The following SKAP2 variants were observed in gnomAD, a reference collection of about 807,000 sequenced individuals.
SKAP2 encodes src kinase-associated phosphoprotein 2.
A neutral mutation model predicts 54.9 loss-of-function variants in SKAP2; 28 were observed. The observed-to-expected ratio is 0.51, with a 90% CI of 0.38 to 0.70. The LOEUF (loss-of-function observed/expected upper bound fraction) is 0.70. Ranked by LOEUF, SKAP2 falls within the 30% of genes least tolerant of loss-of-function variation. The pLI is 0.00. For synonymous variants in SKAP2, 137 were observed against 134.3 expected (o/e 1.02, Z -0.14); for missense variants, 356 against 424.1 (o/e 0.84, Z 1.41).
At chr7:26,824,162 A>G (rs887836380) in intron 4 of SKAP2, among the ~76,000 whole-genome samples, 9 of 152,082 alleles carry the variant, frequency 5.9e-5, no homozygotes, top group African/African-American at 1.9e-4. Flanking sequence ...CAGCCCCCCA[A>G]CCTTCAGCAG....
At chr7:26,840,689 T>C (rs1482177766) in intron 4 of SKAP2, among the ~76,000 whole-genome samples, 3 of 152,106 alleles carry the variant, frequency 2.0e-5, no homozygotes, top group African/African-American at 4.8e-5. Context: ...CTAGAAACTA[T>C]TACGATTTTT....
At chr7:26,717,711 T>G (rs1313180838) in intron 9 of SKAP2, among the ~76,000 whole-genome samples, 3 of 150,438 alleles carry the variant, frequency 2.0e-5, no homozygotes, top group Non-Finnish European at 4.4e-5. Flanking sequence ...CGCATGCCTG[T>G]AATCCAGGTA....
chr7:26,664,383 T>C (rs73683498), downstream of SKAP2, among the ~76,000 whole-genome samples: 861 of 152,294 alleles, frequency 5.7e-3, 13 homozygotes, highest in African/African-American at 0.019. Context: ...TCACATTTGA[T>C]GTGATAAAGA....
intron 4 of SKAP2, among the ~76,000 whole-genome samples, chr7:26,806,582 A>G (rs1784028339): frequency 6.6e-6 from 1 of 152,184 alleles, no homozygotes; most frequent in Non-Finnish European, 1.5e-5. Context: ...GCCAAGACAG[A>G]CTGAAAGCTG....
chr7:26,775,757 A>C (rs4512299), intron 4 of SKAP2, among the ~76,000 whole-genome samples: 57,721 of 151,912 alleles, frequency 0.38, 11,566 homozygotes, highest in Middle Eastern at 0.49. Flanking sequence ...TGTCATTTCA[A>C]GAATGTCATA....
At chr7:26,862,615 G>T (rs557692757) in intron 1 of SKAP2, among the ~76,000 whole-genome samples, 1 of 152,040 alleles carries the variant, frequency 6.6e-6, no homozygotes, top group South Asian at 2.1e-4. Context: ...AGTTAGCATT[G>T]GCAGATAATT....
chr7:26,731,678 C>CA (rs1373471701), intron 6 of SKAP2, among the ~76,000 whole-genome samples: 8 of 152,162 alleles, frequency 5.3e-5, no homozygotes, highest in Admixed American at 2.0e-4. Context: ...ATCTTATCCC[C>CA]ACTCCCAACA....
chr7:26,772,628 G>T (rs770908392), intron 4 of SKAP2, among the ~76,000 whole-genome samples: 8 of 152,220 alleles, frequency 5.3e-5, no homozygotes, highest in South Asian at 2.1e-4. Context: ...GTCCACTGTT[G>T]AGGGGCATCT....
chr7:26,779,188 A>T (rs1783374186), intron 4 of SKAP2, among the ~76,000 whole-genome samples: 1 of 152,054 alleles, frequency 6.6e-6, no homozygotes, highest in Non-Finnish European at 1.5e-5. Flanking sequence ...TGCTTTTAAA[A>T]ACTTATTAAG....
intron 9 of SKAP2, among the ~76,000 whole-genome samples, chr7:26,691,159 T>C (rs542101884): frequency 6.6e-5 from 10 of 152,338 alleles, no homozygotes; most frequent in Non-Finnish European, 1.2e-4. Flanking sequence ...CAATGTTCTT[T>C]ATCCTACATA....
chr7:26,661,970 G>A, the SKAP2 span, among the ~76,000 whole-genome samples: 4 of 152,068 alleles, frequency 2.6e-5, no homozygotes, highest in Non-Finnish European at 4.4e-5. Context: ...CTGGTATTCC[G>A]CAGGGAAGGA....
intron 9 of SKAP2, among the ~76,000 whole-genome samples, chr7:26,702,841 A>G (rs1312459813): frequency 2.0e-5 from 3 of 152,268 alleles, no homozygotes; most frequent in African/African-American, 7.2e-5. Flanking sequence ...CCCCTCTGCA[A>G]TATGAGGTAA....
chr7:26,819,649 G>C (rs566812355), intron 4 of SKAP2, among the ~76,000 whole-genome samples: 4 of 151,662 alleles, frequency 2.6e-5, no homozygotes, highest in Non-Finnish European at 5.9e-5. Context: ...CACTAATCAC[G>C]TTCTGAAATG....
chr7:26,786,199 T>C (rs1481865584), intron 4 of SKAP2, among the ~76,000 whole-genome samples: 1 of 152,210 alleles, frequency 6.6e-6, no homozygotes, highest in Non-Finnish European at 1.5e-5. Context: ...GGGAATTTTT[T>C]CTTTTTAACT....
At chr7:26,708,126 C>T (rs1787208475) in intron 9 of SKAP2, among the ~76,000 whole-genome samples, 1 of 152,128 alleles carries the variant, frequency 6.6e-6, no homozygotes, top group African/African-American at 2.4e-5. Context: ...TGAAGGAGCA[C>T]AGAGAAGAGC....
At chr7:26,751,794 C>T (rs894485088) in intron 4 of SKAP2, among the ~76,000 whole-genome samples, 2 of 151,710 alleles carry the variant, frequency 1.3e-5, no homozygotes, top group African/African-American at 4.8e-5. Context: ...CCTTCTCCCC[C>T]CAAAAAGCAT....
chr7:26,823,641 A>G (rs1784429590), intron 4 of SKAP2, among the ~76,000 whole-genome samples: 1 of 152,158 alleles, frequency 6.6e-6, no homozygotes, highest in African/African-American at 2.4e-5. Flanking sequence ...AGGTTGGTTC[A>G]TGAGGTTTAA....
At chr7:26,788,591 A>G (rs889908350) in intron 4 of SKAP2, among the ~76,000 whole-genome samples, 1 of 152,214 alleles carries the variant, frequency 6.6e-6, no homozygotes, top group African/African-American at 2.4e-5. Context: ...ACACCAAACA[A>G]TGTATTAATC....
chr7:26,794,590 G>C (rs1223943519), intron 4 of SKAP2, among the ~76,000 whole-genome samples: 1 of 152,212 alleles, frequency 6.6e-6, no homozygotes, highest in Non-Finnish European at 1.5e-5. Flanking sequence ...TTCCTGCCCA[G>C]CCCACCATCA....
Sources: gnomAD v4.1 joint callset for allele counts (sites outside exome capture counted in the v4.1 genomes callset) on GRCh38, gnomAD v4.1.1 for gene constraint, MANE v1.5 for transcripts, NCBI Gene and HGNC (gene_info 2026-07-23, HGNC 2026-07-21) for gene names.